Variants in FAR2 observed in about 807,000 individuals in gnomAD.
FAR2 encodes the protein epididymis secretory protein Li 81.
FAR2 carries 19 observed loss-of-function variants against 56.0 expected under a neutral mutation model. The observed-to-expected ratio is 0.34, with a 90% CI of 0.24 to 0.50. The LOEUF is 0.50. FAR2 is among the 20% of genes least tolerant of loss of function. The pLI is 0.98. For missense variants in FAR2, 508 were observed against 642.2 expected (o/e 0.79, Z 2.26); for synonymous variants, 219 against 218.8 (o/e 1.00, Z -0.01).
chr12:29,308,796 C>T (rs370378801), intron 5 of FAR2, among the ~76,000 whole-genome samples: 1 of 151,216 alleles, frequency 6.6e-6, no homozygotes, highest in African/African-American at 2.4e-5. Flanking sequence ...GCCATTAACA[C>T]AAATCATGTT....
Position 29,271,433 on chromosome 12 carries a change from C to A in FAR2, c.189+795C>A, listed in dbSNP as rs1371122335. Reference sequence around the variant, plus strand: ...AAAACAACAACTAATTTCATAGGAACTAAATGAGAAAATGTACATATGTTG... The same window carrying A: ...AAAACAACAACTAATTTCATAGGAAATAAATGAGAAAATGTACATATGTTG... On this transcript the variant is annotated intron_variant, in intron 2 of 11. Transcript: ENST00000536681. Among the ~76,000 whole-genome samples, 4 of 152,122 alleles carry A rather than the reference C, an allele frequency of 2.6e-5. No individual in the cohort carries two copies. In the East Asian group the frequency reaches 7.7e-4, roughly 29 times the overall value.
intron 2 of FAR2, among the ~76,000 whole-genome samples, chr12:29,290,376 G>A (rs537360046): frequency 3.3e-5 from 5 of 152,134 alleles, no homozygotes; most frequent in African/African-American, 1.2e-4. Context: ...AACTCAGAAG[G>A]TGAAGGTTGT....
At chr12:29,159,789 G>T (rs572789654) in intron 1 of FAR2, among the ~76,000 whole-genome samples, 1 of 152,238 alleles carries the variant, frequency 6.6e-6, no homozygotes. Context: ...AACTCTTGGT[G>T]TTTTAAGTAC....
chr12:29,263,297 A>G (rs7971296), intron 1 of FAR2, among the ~76,000 whole-genome samples: 85,250 of 151,998 alleles, frequency 0.56, 24,469 homozygotes, highest in African/African-American at 0.67. Flanking sequence ...TAGATCAAAT[A>G]GTCCTAATAG....
chr12:29,179,046 T>C (rs1323204166), intron 1 of FAR2, among the ~76,000 whole-genome samples: 1 of 152,180 alleles, frequency 6.6e-6, no homozygotes, highest in African/African-American at 2.4e-5. Context: ...ATTTTCTCTC[T>C]GTATGTGTTT....
chr12:29,253,188 T>C (rs67324531), intron 1 of FAR2, among the ~76,000 whole-genome samples: 6,815 of 129,210 alleles, frequency 0.053, 562 homozygotes, highest in Middle Eastern at 0.14. Flanking sequence ...TCTCTCTCTC[T>C]ATCTATCTAT....
At position 29,154,135 on chromosome 12, in the gene FAR2, A is replaced by T. The variant is rs551181845; in HGVS notation, c.-39+4728A>T. ...TAGCTCCTGTCTTTCTGACTTGAGC[A>T]CATAGATGGAATATGGTGTAATTTC... On this transcript the variant is annotated intron_variant, in intron 1 of 11. Transcript: ENST00000536681. Among the ~76,000 whole-genome samples the T allele has an allele frequency of 8.3e-4, 127 of 152,364 alleles. 1 individual carries two copies. The highest frequency in any genetic ancestry group is 2.9e-3 in the African/African-American group (120 of 41,588).
At chr12:29,156,626 T>A (rs1949729643) in intron 1 of FAR2, 1 of 152,224 alleles carries the variant, frequency 6.6e-6, no homozygotes, top group African/African-American at 2.4e-5. Flanking sequence ...TGATTTTTAT[T>A]TCAATAATGA....
intron 1 of FAR2, among the ~76,000 whole-genome samples, chr12:29,175,704 G>A (rs139024823): frequency 0.021 from 3,155 of 152,278 alleles, 56 homozygotes; most frequent in Non-Finnish European, 0.034. Context: ...TAGACACAGA[G>A]TGCTGATTTG....
At chr12:29,319,762 C>T (rs561275205) in intron 9 of FAR2, among the ~76,000 whole-genome samples, 1 of 152,286 alleles carries the variant, frequency 6.6e-6, no homozygotes, top group African/African-American at 2.4e-5. Context: ...GTAAAATGGG[C>T]ACAGTAATCG....
rs1949557022 is a variant in FAR2 at position 29,321,828 on chromosome 12, T to C, written c.1161T>C (p.Thr387=). Residue 387 remains threonine, a synonymous_variant, in exon 10 of 12, where the codon ACT becomes ACC. Transcript: ENST00000536681. ...MTKLMNRLLR[T]VSMLEYFINR... ...AGCTCATGAATCGGCTTTTAAGAAC[T>C]GTTTCCATGTTGGAGTATTTCATCA... is the stretch of plus-strand genomic sequence containing the variant. The C allele has an allele frequency of 1.9e-6, 3 of 1,613,854 alleles. No homozygotes were observed. Among genetic ancestry groups the C allele is most frequent in the African/African-American group, 1.3e-5 (1 of 75,042 alleles).
At chr12:29,183,553 T>C (rs1330915617) in intron 1 of FAR2, among the ~76,000 whole-genome samples, 1 of 152,180 alleles carries the variant, frequency 6.6e-6, no homozygotes, top group East Asian at 1.9e-4. Flanking sequence ...ATTCTCTCCT[T>C]CACTGCCATA....
chr12:29,317,309 G>A (rs1179799289), intron 9 of FAR2, among the ~76,000 whole-genome samples: 1 of 152,156 alleles, frequency 6.6e-6, no homozygotes, highest in East Asian at 1.9e-4. Context: ...AAAATATTAT[G>A]TAAGATTACC....
intron 1 of FAR2, among the ~76,000 whole-genome samples, chr12:29,152,495 T>A (rs1949689156): frequency 6.6e-6 from 1 of 152,202 alleles, no homozygotes; most frequent in African/African-American, 2.4e-5. Flanking sequence ...CTTGTTAGCA[T>A]GATGGCAATA....
rs1157446212 is a variant in FAR2, at chr12:29,163,962, A to G, written c.-39+14555A>G. Among the ~76,000 whole-genome samples, 4 of 152,206 alleles carry G rather than the reference A, an allele frequency of 2.6e-5. No homozygotes were observed. The East Asian group carries it at 7.7e-4, about 29-fold the overall frequency. ...TAAAATGCAGGTGAAATGCAGATTG[A>G]ACCATGCACAATTGCCCTTTGTAGG... On this transcript the variant is annotated intron_variant, in intron 1 of 11. Transcript: ENST00000536681.
chr12:29,198,025 A>G (rs1950156449), intron 1 of FAR2, among the ~76,000 whole-genome samples: 1 of 152,196 alleles, frequency 6.6e-6, no homozygotes, highest in African/African-American at 2.4e-5. Flanking sequence ...ATGTATTTCA[A>G]GTAGATGTGA....
At chr12:29,192,194 A>C in intron 1 of FAR2, among the ~76,000 whole-genome samples, 1 of 152,256 alleles carries the variant, frequency 6.6e-6, no homozygotes, top group Non-Finnish European at 1.5e-5. Flanking sequence ...AGTGAATTGC[A>C]CACCACAGTG....
chr12:29,309,956 G>C (rs1949320338), intron 6 of FAR2: 1 of 152,164 alleles, frequency 6.6e-6, no homozygotes, highest in African/African-American at 2.4e-5. Context: ...TTTTATTAGG[G>C]ATTTAGACTG....
At chr12:29,256,653 G>A (rs1025371268) in intron 1 of FAR2, among the ~76,000 whole-genome samples, 6 of 152,224 alleles carry the variant, frequency 3.9e-5, no homozygotes, top group African/African-American at 4.8e-5. Flanking sequence ...GGAGAGGCGC[G>A]GGCGGGAACA....
Sources: gnomAD v4.1 joint callset for allele counts (sites outside exome capture counted in the v4.1 genomes callset) on GRCh38, gnomAD v4.1.1 for gene constraint, MANE v1.5 for transcripts, NCBI Gene and HGNC (gene_info 2026-07-23, HGNC 2026-07-21) for gene names.